Variants in SKI observed in about 807,000 individuals in gnomAD.
SKI encodes the protein SKI proto-oncogene, also known as ski oncogene.
A neutral mutation model predicts 59.3 loss-of-function variants in SKI; 23 were observed. That is an observed-to-expected ratio of 0.39 (90% confidence interval 0.28 to 0.55). The LOEUF is 0.55. Ranked by LOEUF, SKI falls within the 20% of genes least tolerant of loss-of-function variation. SKI has a pLI of 0.67. For synonymous variants in SKI, 673 were observed against 488.6 expected, an observed-to-expected ratio of 1.38 and a Z score of -4.98; for missense variants, 1,017 against 1,038.9, an observed-to-expected ratio of 0.98 and a Z score of 0.29.
intron 1 of SKI, among the ~76,000 whole-genome samples, chr1:2,250,634 C>T (rs1639124967): frequency 2.0e-5 from 3 of 152,254 alleles, no homozygotes; most frequent in Admixed American, 1.3e-4. Context: ...GGGGTCCTCC[C>T]TGCTAAGCCC....
chr1:2,265,047 G>A (rs1040645775), intron 1 of SKI, among the ~76,000 whole-genome samples: 1 of 151,990 alleles, frequency 6.6e-6, no homozygotes, highest in Admixed American at 6.6e-5. Flanking sequence ...CCTGATCTCA[G>A]GTGATCCACC....
chr1:2,273,500 A>G (rs1427186283), intron 1 of SKI, among the ~76,000 whole-genome samples: 3 of 151,988 alleles, frequency 2.0e-5, no homozygotes, highest in Non-Finnish European at 4.4e-5. Context: ...TGTGATGGAA[A>G]CGGGAGGGCC....
chr1:2,276,904 CT>C (rs1639754922), intron 1 of SKI, among the ~76,000 whole-genome samples: 1 of 152,290 alleles, frequency 6.6e-6, no homozygotes, highest in Non-Finnish European at 1.5e-5. Context: ...CCTTTGACCC[CT>C]GATGCGTTTG....
At chr1:2,250,723 C>T (rs1225504314) in intron 1 of SKI, among the ~76,000 whole-genome samples, 18 of 152,260 alleles carry the variant, frequency 1.2e-4, no homozygotes, top group Non-Finnish European at 2.1e-4. Flanking sequence ...GCTGGCTCCC[C>T]TGGCCACGCT....
intron 1 of SKI, among the ~76,000 whole-genome samples, chr1:2,262,190 C>T (rs1639402215): frequency 8.0e-6 from 1 of 125,732 alleles, no homozygotes; most frequent in South Asian, 2.7e-4. Flanking sequence ...TCTTGATCTC[C>T]TAGTCTGGAA....
intron 1 of SKI, among the ~76,000 whole-genome samples, chr1:2,274,042 G>T (rs76859834): frequency 1.3e-5 from 2 of 151,828 alleles, no homozygotes; most frequent in Non-Finnish European, 2.9e-5. Flanking sequence ...CCTACGGGCC[G>T]TGTCCAGACC....
At chr1:2,250,571 A>G (rs1639123526) in intron 1 of SKI, among the ~76,000 whole-genome samples, 1 of 152,214 alleles carries the variant, frequency 6.6e-6, no homozygotes, top group Non-Finnish European at 1.5e-5. Flanking sequence ...TCCTCTCGCC[A>G]CGACTGTTTT....
rs1467059206 is a variant in SKI, at chr1:2,307,053, T to C, written c.*288T>C. On this transcript the variant is annotated 3_prime_UTR_variant, in exon 7 of 7. Transcript: ENST00000378536. ...CTGGAACATTCTAACATTTACACTT[T>C]TGTTATAAGCTATTTAAAACCAGTA... 1 of 240,394 alleles carries C rather than the reference T, an allele frequency of 4.2e-6. No homozygotes were observed. The highest frequency in any genetic ancestry group is 8.0e-6 in the Non-Finnish European group (1 of 125,386). The allele number at this position is 240,394 out of a possible 1,614,324, so 14.9% of individuals were successfully genotyped here.
chr1:2,278,882 G>A lies in SKI; in HGVS notation c.970-24096G>A, dbSNP rs529098453. ...GGTGGTGGGGGGTGTTGGGGCTAAG[G>A]TTTGGTTAGGGCCCGAGTGCTTGCG... On this transcript the variant is annotated intron_variant, in intron 1 of 6. Transcript: ENST00000378536. Among the ~76,000 whole-genome samples, 58 of 152,346 alleles carry A rather than the reference G, an allele frequency of 3.8e-4. 1 individual carries two copies. Among genetic ancestry groups the A allele is most frequent in the African/African-American group, 1.3e-3 (52 of 41,588 alleles).
rs1638556255 is a variant in SKI at position 2,228,651 on chromosome 1, C to CGGGGGGCGGCCGGGGTCG, written c.-112_-95dup. ...GCCGTGATCGGCCGTGAGCCGGCGG[C>CGGGGGGCGGCCGGGGTCG]GGGGGGCGGCCGGGGTCGGGGCCGC... On this transcript the variant is annotated 5_prime_UTR_variant, in exon 1 of 7. Transcript: ENST00000378536. The CGGGGGGCGGCCGGGGTCG allele has an allele frequency of 2.5e-6, 1 of 398,634 alleles. No individual in the cohort carries two copies. The highest frequency in any genetic ancestry group is 1.0e-4 in the South Asian group (1 of 9,722). 24.7% of individuals were successfully genotyped at this position (398,634 alleles called of 1,614,324 possible).
intron 1 of SKI, among the ~76,000 whole-genome samples, chr1:2,251,958 G>A (rs960955015): frequency 9.9e-5 from 15 of 152,124 alleles, no homozygotes; most frequent in African/African-American, 3.4e-4. Flanking sequence ...TGTCATGTCC[G>A]TTGACATTTC....
Position 2,306,633 on chromosome 1 carries a change from G to A in SKI, c.2055G>A (p.Arg685=). The part of the protein sequence containing the change: ...QHAEADREQL[R]ADLLREREAR... ...CGGAGGCGGACCGGGAGCAGCTGCG[G>A]GCCGACCTGCTGCGGGAGCGCGAGG... The change falls in exon 7 of 7, where the codon CGG becomes CGA. Residue 685 remains arginine, a synonymous_variant. Coordinates refer to ENST00000378536, the MANE Select transcript of SKI (RefSeq NM_003036.4). The A allele has an allele frequency of 6.5e-7, 1 of 1,545,122 alleles. No homozygotes were observed. Among genetic ancestry groups the A allele is most frequent in the South Asian group, 1.2e-5 (1 of 83,836 alleles).
chr1:2,293,985 C>G (rs1314083258), intron 1 of SKI, among the ~76,000 whole-genome samples: 1 of 152,234 alleles, frequency 6.6e-6, no homozygotes, highest in African/African-American at 2.4e-5. Flanking sequence ...ATTCTCCTTT[C>G]ATCTGTGGCC....
intron 1 of SKI, among the ~76,000 whole-genome samples, chr1:2,252,503 C>T (rs1156631982): frequency 2.0e-5 from 3 of 152,206 alleles, no homozygotes; most frequent in Admixed American, 1.3e-4. Context: ...GGCTTTCGTC[C>T]GTCTGAGCTG....
chr1:2,310,029 A>T lies in SKI; in HGVS notation c.*3264A>T, dbSNP rs1640712535. 1 of 148,578 alleles carries T rather than the reference A, an allele frequency of 6.7e-6. No homozygotes were observed. The highest frequency in any genetic ancestry group is 6.7e-5 in the Admixed American group (1 of 14,868). 9.2% of individuals were successfully genotyped at this position (148,578 alleles called of 1,614,324 possible). A position where few individuals can be genotyped will look rare whatever the true frequency, so the allele number is the denominator to read the frequency against. On this transcript the variant is annotated 3_prime_UTR_variant, in exon 7 of 7. Transcript: ENST00000378536. ...CCCGTGCCCCACGCTGCTGCTAACGACAGTATGATGCTTACTCTGCTACTC... is the reference window on the plus strand; with the variant it reads ...CCCGTGCCCCACGCTGCTGCTAACGTCAGTATGATGCTTACTCTGCTACTC...
At chr1:2,283,427 G>C (rs1240337982) in intron 1 of SKI, among the ~76,000 whole-genome samples, 1 of 152,214 alleles carries the variant, frequency 6.6e-6, no homozygotes, top group Non-Finnish European at 1.5e-5. Context: ...ATCGCCTTTT[G>C]AGGACAGAGT....
intron 1 of SKI, among the ~76,000 whole-genome samples, chr1:2,292,202 C>G (rs1159309985): frequency 6.6e-6 from 1 of 152,192 alleles, no homozygotes; most frequent in Non-Finnish European, 1.5e-5. Flanking sequence ...GAGAGGAGTC[C>G]CCACGCCTCC....
In SKI at chr1:2,229,359, C is replaced by T. The variant is rs1371410513; in HGVS notation, c.593C>T (p.Pro198Leu). The stretch of plus-strand genomic sequence containing the variant: ...CTCTACGGCGGCGCCTACCCGCCGC[C>T]CTGCAAGAAGGAGCTGGCCGCCAGC... ...ALLYGGAYPP[P>L]CKKELAASLA... Residue 198 changes from proline (P) to leucine (L), a missense_variant, in exon 1 of 7, where the codon CCC becomes CTC. By Grantham distance (98) the Pro-to-Leu change is moderately conservative. Coordinates refer to ENST00000378536, the MANE Select transcript of SKI (RefSeq NM_003036.4). The surrounding 1 kb of genome is among the most constrained non-coding windows in gnomAD (Gnocchi z 6.3). The T allele has an allele frequency of 1.4e-5, 22 of 1,598,510 alleles. No individual in the cohort carries two copies. Among genetic ancestry groups the T allele is most frequent in the East Asian group, 2.3e-5 (1 of 44,248 alleles).
intron 1 of SKI, among the ~76,000 whole-genome samples, chr1:2,237,834 A>G (rs146224187): frequency 2.0e-3 from 303 of 152,320 alleles, no homozygotes; most frequent in African/African-American, 7.0e-3. Flanking sequence ...CCTGCAGAAC[A>G]CGCGTGAACG....
Sources: allele counts gnomAD v4.1 joint callset (sites outside exome capture counted in the v4.1 genomes callset), GRCh38; gene constraint gnomAD v4.1.1; non-coding constraint Gnocchi (gnomAD v3.1); transcripts MANE v1.5; gene names NCBI Gene and HGNC (gene_info 2026-07-23, HGNC 2026-07-21).